Variants in BDNF observed in about 807,000 individuals in gnomAD.
BDNF encodes the protein brain derived neurotrophic factor.
BDNF carries 1 observed loss-of-function variant against 19.5 expected under a neutral mutation model. The observed-to-expected ratio is 0.05, with a 90% confidence interval of 0.02 to 0.24. BDNF has a LOEUF of 0.24. BDNF is among the 10% of genes least tolerant of loss of function. BDNF has a pLI of 1.00. For synonymous variants in BDNF, 100 were observed against 121.6 expected, an observed-to-expected ratio of 0.82 and a Z score of 1.17; for missense variants, 195 against 317.6, an observed-to-expected ratio of 0.61 and a Z score of 2.93.
chr11:27,700,483 A>C, upstream of BDNF: 1 of 975,590 alleles, frequency 1.0e-6, no homozygotes, highest in African/African-American at 1.9e-5. Flanking sequence ...GACATTATTT[A>C]GCTCTTCGGT....
chr11:27,719,567 CCCCTT>C (rs1860666466), intron 1 of BDNF: 1 of 985,134 alleles, frequency 1.0e-6, no homozygotes, highest in Non-Finnish European at 1.2e-6. Flanking sequence ...CTCGGCAGCT[CCCCTT>C]CCCTTGAGAA....
At chr11:27,693,631 G>T (rs1355481381) in intron 1 of BDNF, among the ~76,000 whole-genome samples, 1 of 152,134 alleles carries the variant, frequency 6.6e-6, no homozygotes, top group Admixed American at 6.5e-5. Flanking sequence ...CTGGGACTCC[G>T]CCAAGCATCT....
At chr11:27,701,267 C>T (rs760058414), upstream of BDNF, 28 of 1,128,544 alleles carry the variant, frequency 2.5e-5, no homozygotes, top group Non-Finnish European at 2.9e-5. Flanking sequence ...AACAGAAAAA[C>T]GGAAAGAGAA....
chr11:27,689,936 T>C (rs1051761206), intron 1 of BDNF, among the ~76,000 whole-genome samples: 25 of 152,248 alleles, frequency 1.6e-4, no homozygotes, highest in Non-Finnish European at 4.4e-5. Context: ...CCATGTGTTC[T>C]CTCTGTTCAG....
intron 1 of BDNF, among the ~76,000 whole-genome samples, chr11:27,667,613 C>T (rs1394599035): frequency 6.6e-6 from 1 of 152,054 alleles, no homozygotes; most frequent in East Asian, 1.9e-4. Flanking sequence ...GCAGGAGTTG[C>T]AATCCTAGTC....
chr11:27,668,182 G>T (rs1051974399), intron 1 of BDNF, among the ~76,000 whole-genome samples: 1 of 152,178 alleles, frequency 6.6e-6, no homozygotes, highest in Non-Finnish European at 1.5e-5. Context: ...GGTACTTAAC[G>T]AAGTGAAGGC....
At chr11:27,699,831 C>G (rs911838256) in intron 1 of BDNF, among the ~76,000 whole-genome samples, 2 of 152,140 alleles carry the variant, frequency 1.3e-5, no homozygotes, top group Non-Finnish European at 2.9e-5. Context: ...AAGTCTCTCT[C>G]GACTACTCCT....
intron 1 of BDNF, among the ~76,000 whole-genome samples, chr11:27,661,361 G>C (rs576071448): frequency 7.2e-5 from 11 of 152,212 alleles, no homozygotes; most frequent in African/African-American, 2.4e-4. Context: ...CCCAGGCATA[G>C]GATAGAAATC....
intron 1 of BDNF, among the ~76,000 whole-genome samples, chr11:27,711,886 T>G (rs1860340591): frequency 6.6e-6 from 1 of 152,206 alleles, no homozygotes; most frequent in Non-Finnish European, 1.5e-5. Context: ...ACAGGTATCT[T>G]AAGCAATGCT....
intron 1 of BDNF, among the ~76,000 whole-genome samples, chr11:27,697,158 C>CAGAGAGAGAGAGAGAG (rs1198756508): frequency 9.2e-4 from 105 of 113,636 alleles, no homozygotes; most frequent in Middle Eastern, 4.1e-3. Context: ...CACACACACA[C>CAGAGAGAGAGAGAGAG]ACACACAGAG....
At chr11:27,706,859 G>A (rs1860131854) in intron 1 of BDNF, among the ~76,000 whole-genome samples, 1 of 152,178 alleles carries the variant, frequency 6.6e-6, no homozygotes, top group Non-Finnish European at 1.5e-5. Flanking sequence ...TCATAACAAA[G>A]CTACGTCTTC....
rs374479381 is a variant in BDNF, at chr11:27,671,645, G to T, written c.-21-13060C>A. ...TTTTAACTAAAGGAGAAATTCCTGG[G>T]GCCTGAGATTAGAGTTTTAGGAAAT... On this transcript the variant is annotated intron_variant, in intron 1 of 1. Transcript: ENST00000356660. Among the ~76,000 whole-genome samples the T allele has an allele frequency of 5.9e-5, 9 of 152,072 alleles. No homozygotes were observed. The East Asian group carries it at 1.5e-3, about 26-fold the overall frequency.
chr11:27,721,302 G>A, intron 1 of BDNF: 3 of 1,269,170 alleles, frequency 2.4e-6, no homozygotes, highest in South Asian at 2.4e-5. Flanking sequence ...CCTGGCCTGA[G>A]TAGCTGCTGT....
chr11:27,684,983 C>G (rs1267808937), intron 1 of BDNF, among the ~76,000 whole-genome samples: 2 of 152,136 alleles, frequency 1.3e-5, no homozygotes, highest in Non-Finnish European at 2.9e-5. Context: ...GGTACCAGCT[C>G]TTCTTTGTAC....
chr11:27,701,380 AT>A, upstream of BDNF: 3 of 1,040,538 alleles, frequency 2.9e-6, no homozygotes, highest in Non-Finnish European at 3.5e-6. Context: ...ACACTCTATT[AT>A]TTTTTCACGT....
At chr11:27,675,337 C>A (rs545325323) in intron 1 of BDNF, 1 of 152,140 alleles carries the variant, frequency 6.6e-6, no homozygotes, top group Admixed American at 6.5e-5. Context: ...TATATGCATA[C>A]TTAATAGGGT....
At chr11:27,686,391 A>G (rs925784662) in intron 1 of BDNF, among the ~76,000 whole-genome samples, 1 of 152,178 alleles carries the variant, frequency 6.6e-6, no homozygotes, top group Non-Finnish European at 1.5e-5. Flanking sequence ...CATTTAGCCC[A>G]TTTATATTTA....
intron 1 of BDNF, among the ~76,000 whole-genome samples, chr11:27,710,342 T>G (rs1318053962): frequency 6.6e-6 from 1 of 152,144 alleles, no homozygotes; most frequent in Non-Finnish European, 1.5e-5. Flanking sequence ...ATGGATGAAA[T>G]AAATGTATCA....
chr11:27,666,389 C>T (rs1018705079), intron 1 of BDNF, among the ~76,000 whole-genome samples: 7 of 152,168 alleles, frequency 4.6e-5, no homozygotes, highest in African/African-American at 1.7e-4. Flanking sequence ...TGCAGCTCCT[C>T]GCCAGCAATG....
Sources: gnomAD v4.1 joint callset for allele counts (sites outside exome capture counted in the v4.1 genomes callset) on GRCh38, gnomAD v4.1.1 for gene constraint, MANE v1.5 for transcripts, NCBI Gene and HGNC (gene_info 2026-07-23, HGNC 2026-07-21) for gene names.